TPO: variants seen among roughly 807,000 people sequenced by gnomAD.
TPO encodes thyroid microsomal antigen.
A neutral mutation model predicts 96.9 loss-of-function variants in TPO; 78 were observed. That is an observed-to-expected ratio of 0.81 (90% CI 0.67 to 0.97). The LOEUF (loss-of-function observed/expected upper bound fraction) is 0.97, where lower values mean the gene tolerates loss of function less well. Ranked by LOEUF, TPO falls within the 50% of genes least tolerant of loss-of-function variation. The probability of loss-of-function intolerance (pLI) is 0.00; values close to 1 mark genes in which losing one functional copy is unlikely to be tolerated. For synonymous variants in TPO, 547 were observed against 538.0 expected (o/e 1.02, Z -0.23); for missense variants, 1,252 against 1,274.8 (o/e 0.98, Z 0.27).
rs746953044 is a variant in TPO at position 1,542,541 on chromosome 2, AAC to A, written c.*71_*72del. On this transcript the variant is annotated 3_prime_UTR_variant, in exon 17 of 17. Coordinates refer to ENST00000329066, the MANE Select transcript of TPO (RefSeq NM_001206744.2). Reference sequence around the variant, plus strand: ...AAAATCACCGTACGACTCTTTTCCAAACACAGGCAAATCCGAAATCAGCAGGA... The same window carrying A: ...AAAATCACCGTACGACTCTTTTCCAAACAGGCAAATCCGAAATCAGCAGGA... 5 of 1,606,580 alleles carry A rather than the reference AAC, an allele frequency of 3.1e-6. No homozygotes were observed. Among genetic ancestry groups the A allele is most frequent in the South Asian group, 1.1e-5 (1 of 89,522 alleles).
intron 7 of TPO, among the ~76,000 whole-genome samples, chr2:1,474,526 A>G (rs982398858): frequency 2.0e-5 from 3 of 152,100 alleles, no homozygotes; most frequent in Non-Finnish European, 4.4e-5. Context: ...GGAGTTACCT[A>G]TCCTTTCGAG....
intron 15 of TPO, among the ~76,000 whole-genome samples, chr2:1,531,031 C>G (rs1286814738): frequency 8.3e-6 from 1 of 120,992 alleles, no homozygotes; most frequent in Admixed American, 8.9e-5. Flanking sequence ...ATCTTTCCCA[C>G]TGTGTGCAAC....
intron 1 of TPO, among the ~76,000 whole-genome samples, chr2:1,400,026 G>T (rs1662143778): frequency 6.6e-6 from 1 of 152,160 alleles, no homozygotes; most frequent in Admixed American, 6.5e-5. Flanking sequence ...CCTTCCCAGT[G>T]TGGACATTCT....
intron 5 of TPO, among the ~76,000 whole-genome samples, chr2:1,437,916 G>A (rs988783001): frequency 6.6e-6 from 1 of 152,146 alleles, no homozygotes; most frequent in Non-Finnish European, 1.5e-5. Context: ...CTCAGTGGGA[G>A]ACATAGATGT....
At chr2:1,416,663 A>C (rs1421091651) in intron 2 of TPO, among the ~76,000 whole-genome samples, 2 of 152,220 alleles carry the variant, frequency 1.3e-5, no homozygotes, top group Non-Finnish European at 2.9e-5. Flanking sequence ...CAATATTTCA[A>C]AGCTGACTTA....
intron 3 of TPO, among the ~76,000 whole-genome samples, chr2:1,428,605 G>A (rs1664666542): frequency 6.6e-6 from 1 of 152,154 alleles, no homozygotes; most frequent in Non-Finnish European, 1.5e-5. Context: ...TGGGTGCCAG[G>A]CAAAAGAAGG....
At chr2:1,497,450 G>A (rs1231099229) in intron 13 of TPO, among the ~76,000 whole-genome samples, 2 of 152,206 alleles carry the variant, frequency 1.3e-5, no homozygotes, top group African/African-American at 4.8e-5. Context: ...ACAGCAGAAT[G>A]AGAGTCCCCA....
chr2:1,526,561 A>G (rs62117027), intron 15 of TPO, among the ~76,000 whole-genome samples: 56,736 of 140,146 alleles, frequency 0.4, 11,774 homozygotes, highest in Non-Finnish European at 0.46. Flanking sequence ...ACTGTGTGCA[A>G]CCTTCTCAAA....
At chr2:1,416,219 A>G (rs1479003500) in intron 2 of TPO, among the ~76,000 whole-genome samples, 2 of 152,248 alleles carry the variant, frequency 1.3e-5, no homozygotes, top group Non-Finnish European at 2.9e-5. Context: ...ACCTCAGGAA[A>G]AAGTGATTTT....
intron 1 of TPO, among the ~76,000 whole-genome samples, chr2:1,400,058 A>T (rs989166643): frequency 6.6e-6 from 1 of 152,096 alleles, no homozygotes; most frequent in Non-Finnish European, 1.5e-5. Flanking sequence ...TTCAGCCCTC[A>T]TGTGGCACTG....
intron 5 of TPO, among the ~76,000 whole-genome samples, chr2:1,440,922 AG>A (rs1397028157): frequency 6.6e-6 from 1 of 151,832 alleles, no homozygotes; most frequent in East Asian, 1.9e-4. Context: ...GGAACAGGGC[AG>A]GGTCCTTCTT....
At chr2:1,445,945 A>T (rs1057148596) in intron 5 of TPO, among the ~76,000 whole-genome samples, 2 of 152,190 alleles carry the variant, frequency 1.3e-5, no homozygotes, top group Non-Finnish European at 2.9e-5. Flanking sequence ...TGCAGGAGGT[A>T]CCATGTTGGA....
chr2:1,511,693 C>T (rs1273067435), intron 14 of TPO, among the ~76,000 whole-genome samples: 2 of 152,204 alleles, frequency 1.3e-5, no homozygotes, highest in South Asian at 2.1e-4. Flanking sequence ...TGTCCATGGC[C>T]TCATCTCCTC....
intron 2 of TPO, among the ~76,000 whole-genome samples, chr2:1,416,774 G>T (rs1401472748): frequency 6.6e-6 from 1 of 152,244 alleles, no homozygotes; most frequent in Non-Finnish European, 1.5e-5. Context: ...CTTTAAATCT[G>T]TTTGGAAAAT....
intron 1 of TPO, among the ~76,000 whole-genome samples, chr2:1,397,996 A>G (rs766597298): frequency 9.2e-5 from 14 of 152,228 alleles, no homozygotes; most frequent in Admixed American, 3.9e-4. Context: ...AACAAAGGGT[A>G]CAAGAAAAGT....
intron 2 of TPO, among the ~76,000 whole-genome samples, chr2:1,417,123 A>C (rs1663045876): frequency 6.6e-6 from 1 of 152,272 alleles, no homozygotes; most frequent in South Asian, 2.1e-4. Flanking sequence ...ACACATCCTC[A>C]TACTTGAAGC....
At chr2:1,508,601 G>T (rs183253088) in intron 14 of TPO, among the ~76,000 whole-genome samples, 1 of 152,174 alleles carries the variant, frequency 6.6e-6, no homozygotes, top group African/African-American at 2.4e-5. Context: ...ACTTCTTCCT[G>T]GTTTAGTCTT....
chr2:1,456,412 T>A, intron 7 of TPO, 130 bp downstream of exon 7: 1 of 977,788 alleles, frequency 1.0e-6, no homozygotes, highest in Non-Finnish European at 1.5e-6. Context: ...CAGTTGTGAA[T>A]ATCTGGTGCA....
At chr2:1,491,493 G>A (rs1407098664) in intron 10 of TPO, among the ~76,000 whole-genome samples, 1 of 152,228 alleles carries the variant, frequency 6.6e-6, no homozygotes, top group Non-Finnish European at 1.5e-5. Context: ...ACTTAAAACA[G>A]TTTGACAATG....
Sources: gnomAD v4.1 joint callset for allele counts (sites outside exome capture counted in the v4.1 genomes callset) on GRCh38, gnomAD v4.1.1 for gene constraint, MANE v1.5 for transcripts, NCBI Gene and HGNC (gene_info 2026-07-23, HGNC 2026-07-21) for gene names.